ERC2: variants seen among roughly 807,000 people sequenced by gnomAD.
ERC2 encodes the protein ELKS/RAB6-interacting/CAST family member 2.
Under a neutral mutation model 114.8 loss-of-function variants are expected in ERC2, and 42 were observed. The ratio of observed to expected loss-of-function variants is 0.37; its 90% CI spans 0.29 to 0.47. ERC2 has a LOEUF of 0.47. ERC2 is among the 20% of genes least tolerant of loss of function. The probability of loss-of-function intolerance (pLI) is 0.99; values close to 1 mark genes in which losing one functional copy is unlikely to be tolerated. For missense variants in ERC2, 939 were observed against 1,150.7 expected (o/e 0.82, Z 2.66); for synonymous variants, 454 against 425.5 (o/e 1.07, Z -0.82).
intron 13 of ERC2, among the ~76,000 whole-genome samples, chr3:55,941,138 C>A (rs1309306992): frequency 1.3e-5 from 2 of 152,074 alleles, no homozygotes; most frequent in African/African-American, 4.8e-5. Flanking sequence ...AGCAACTTGG[C>A]CAACTATGAT....
intron 3 of ERC2, among the ~76,000 whole-genome samples, chr3:56,186,702 C>T (rs1172180546): frequency 2.0e-5 from 3 of 152,022 alleles, no homozygotes; most frequent in Non-Finnish European, 4.4e-5. Flanking sequence ...CCATGCCTGG[C>T]TAATTTTTGT....
In ERC2 at chr3:55,802,564, G is replaced by C. The variant is rs72877123; in HGVS notation, c.2565-67646C>G. 1.1e-3 allele frequency among the ~76,000 whole-genome samples: 161 copies of C among 152,246 alleles called. 1 individual carries two copies. The highest frequency in any genetic ancestry group is 3.8e-3 in the African/African-American group (159 of 41,534). Reference sequence around the variant, plus strand: ...ATCATATCTCAGTGCTTTTTAAATGGTAGACAACTCATTTCAAGTAAGGAA... The same window carrying C: ...ATCATATCTCAGTGCTTTTTAAATGCTAGACAACTCATTTCAAGTAAGGAA... On this transcript the variant is annotated intron_variant, in intron 14 of 17. Coordinates refer to ENST00000288221, the MANE Select transcript of ERC2 (RefSeq NM_015576.3).
chr3:56,444,623 A>C (rs1460179127), intron 1 of ERC2, among the ~76,000 whole-genome samples: 1 of 152,210 alleles, frequency 6.6e-6, no homozygotes, highest in African/African-American at 2.4e-5. Flanking sequence ...AGAAGGGAAA[A>C]AGCAGGGGAG....
intron 2 of ERC2, among the ~76,000 whole-genome samples, chr3:56,311,282 TATATATATAC>T (rs769698672): frequency 0.2 from 27,646 of 135,018 alleles, 3,495 homozygotes; most frequent in Non-Finnish European, 0.26. Context: ...TATATATATA[TATATATATAC>T]ACACATATAT....
intron 2 of ERC2, among the ~76,000 whole-genome samples, chr3:56,378,034 G>C (rs577539502): frequency 6.6e-6 from 1 of 152,066 alleles, no homozygotes; most frequent in African/African-American, 2.4e-5. Flanking sequence ...TTCTTGAAGG[G>C]AGCAGATCGC....
At chr3:55,838,453 T>C (rs1474262916) in intron 14 of ERC2, among the ~76,000 whole-genome samples, 1 of 152,076 alleles carries the variant, frequency 6.6e-6, no homozygotes, top group Admixed American at 6.5e-5. Context: ...CACTTTTATA[T>C]AATCCACAGG....
intron 2 of ERC2, among the ~76,000 whole-genome samples, chr3:56,387,466 A>C (rs1560725557): frequency 6.6e-6 from 1 of 152,166 alleles, no homozygotes; most frequent in Non-Finnish European, 1.5e-5. Flanking sequence ...ACTAAATATT[A>C]ACTCCCTGCT....
At chr3:55,918,633 G>A (rs561693073) in intron 13 of ERC2, among the ~76,000 whole-genome samples, 2 of 151,966 alleles carry the variant, frequency 1.3e-5, no homozygotes, top group South Asian at 4.2e-4. Flanking sequence ...AAAAGGCCTT[G>A]AAGCTTCTTC....
chr3:56,402,425 C>G (rs2060554699), intron 2 of ERC2, among the ~76,000 whole-genome samples: 1 of 152,152 alleles, frequency 6.6e-6, no homozygotes, highest in South Asian at 2.1e-4. Context: ...ATGCTTTCAT[C>G]TCTTCCCTGT....
intron 17 of ERC2, among the ~76,000 whole-genome samples, chr3:55,522,478 C>T (rs1331652904): frequency 6.9e-6 from 1 of 145,328 alleles, no homozygotes; most frequent in Non-Finnish European, 1.5e-5. Flanking sequence ...CTTCCTTTCT[C>T]CTTTCCTTCC....
intron 4 of ERC2, among the ~76,000 whole-genome samples, chr3:56,150,117 C>T (rs1187899116): frequency 6.6e-6 from 1 of 152,116 alleles, no homozygotes; most frequent in Non-Finnish European, 1.5e-5. Context: ...AGTTAAGGAG[C>T]TCATATTAAA....
At chr3:55,897,560 A>G (rs2063902352) in intron 13 of ERC2, among the ~76,000 whole-genome samples, 1 of 152,164 alleles carries the variant, frequency 6.6e-6, no homozygotes, top group Admixed American at 6.5e-5. Context: ...CAAATCTGGA[A>G]TGTGAATTGG....
intron 13 of ERC2, among the ~76,000 whole-genome samples, chr3:55,932,220 G>A (rs142503468): frequency 1.4e-4 from 22 of 152,200 alleles, no homozygotes; most frequent in Middle Eastern, 3.4e-3. Flanking sequence ...GGGTCTAAAA[G>A]GCCTGAGTAG....
At chr3:55,763,991 C>G (rs1430611907) in intron 14 of ERC2, among the ~76,000 whole-genome samples, 1 of 152,202 alleles carries the variant, frequency 6.6e-6, no homozygotes, top group African/African-American at 2.4e-5. Context: ...AACTCTCATG[C>G]AGACCTACCC....
intron 13 of ERC2, among the ~76,000 whole-genome samples, chr3:55,910,724 T>C (rs1024792603): frequency 6.6e-6 from 1 of 152,228 alleles, no homozygotes; most frequent in Admixed American, 6.5e-5. Flanking sequence ...ATTATCATTT[T>C]ACAGATGATG....
rs1254925984 is a variant in ERC2, at chr3:56,115,837, G to T, written c.1473+23672C>A. ...CTTTCATATGCAAGCCAACCATCCAGAACCCTCACCCTACCACCTCCTGCA... is the reference window on the plus strand; with the variant it reads ...CTTTCATATGCAAGCCAACCATCCATAACCCTCACCCTACCACCTCCTGCA... On this transcript the variant is annotated intron_variant, in intron 6 of 17. Transcript: ENST00000288221. Among the ~76,000 whole-genome samples the T allele has an allele frequency of 1.3e-5, 2 of 151,928 alleles. 1 individual carries two copies. Among genetic ancestry groups the T allele is most frequent in the African/African-American group, 4.8e-5 (2 of 41,334 alleles).
intron 14 of ERC2, among the ~76,000 whole-genome samples, chr3:55,883,101 T>C (rs1226129718): frequency 6.6e-6 from 1 of 152,244 alleles, no homozygotes; most frequent in Non-Finnish European, 1.5e-5. Flanking sequence ...TAGCACATAG[T>C]AGATCATCAG....
chr3:56,084,964 T>C (rs761859596), intron 6 of ERC2, among the ~76,000 whole-genome samples: 5 of 152,048 alleles, frequency 3.3e-5, no homozygotes, highest in African/African-American at 9.7e-5. Flanking sequence ...ACTTAGGTTT[T>C]TAGGACTGGT....
chr3:56,339,915 C>T (rs181376561), intron 2 of ERC2, among the ~76,000 whole-genome samples: 9 of 152,250 alleles, frequency 5.9e-5, no homozygotes, highest in East Asian at 5.8e-4. Flanking sequence ...CTCATCTGCA[C>T]GGACAAAACG....
Sources: gnomAD v4.1 joint callset for allele counts (sites outside exome capture counted in the v4.1 genomes callset) on GRCh38, gnomAD v4.1.1 for gene constraint, MANE v1.5 for transcripts, NCBI Gene and HGNC (gene_info 2026-07-23, HGNC 2026-07-21) for gene names.